The following PAWR variants were observed in gnomAD, a reference collection of about 807,000 sequenced individuals.
The protein encoded by PAWR is pro-apoptotic WT1 regulator.
PAWR carries 23 observed loss-of-function variants against 32.0 expected under a neutral mutation model. The observed-to-expected ratio is 0.72, with a 90% CI of 0.52 to 1.02. PAWR has a LOEUF of 1.02. PAWR is among the 50% of genes least tolerant of loss of function. PAWR has a pLI of 0.00. For missense variants in PAWR, 457 were observed against 437.7 expected (o/e 1.04, Z -0.39); for synonymous variants, 226 against 187.1 (o/e 1.21, Z -1.70).
At chr12:79,668,210 T>C (rs1293510647) in intron 2 of PAWR, 1 of 152,224 alleles carries the variant, frequency 6.6e-6, no homozygotes, top group African/African-American at 2.4e-5. Flanking sequence ...TTTGTAGATA[T>C]TTTTTGTTTT....
intron 2 of PAWR, among the ~76,000 whole-genome samples, chr12:79,654,644 C>T (rs1182967948): frequency 6.6e-6 from 1 of 152,206 alleles, no homozygotes; most frequent in Admixed American, 6.5e-5. Context: ...TTAATTGACT[C>T]ACAGTTCCAC....
chr12:79,602,071 G>A (rs543615524), intron 4 of PAWR, among the ~76,000 whole-genome samples: 16 of 152,156 alleles, frequency 1.1e-4, no homozygotes, highest in African/African-American at 3.6e-4. Context: ...TCATAAATCC[G>A]CATAGATGGA....
intron 3 of PAWR, among the ~76,000 whole-genome samples, chr12:79,617,899 C>T (rs946483666): frequency 6.6e-6 from 1 of 152,114 alleles, no homozygotes; most frequent in Non-Finnish European, 1.5e-5. Context: ...CTCTCTCGCT[C>T]CTGCTCCTAT....
intron 2 of PAWR, among the ~76,000 whole-genome samples, chr12:79,631,000 C>T (rs1055084393): frequency 2.6e-5 from 4 of 152,064 alleles, no homozygotes; most frequent in African/African-American, 9.7e-5. Context: ...TGGGGTCTAT[C>T]CCAGTAAAAC....
intron 4 of PAWR, among the ~76,000 whole-genome samples, chr12:79,599,785 AT>A (rs1298860557): frequency 6.6e-6 from 1 of 152,162 alleles, no homozygotes; most frequent in Non-Finnish European, 1.5e-5. Flanking sequence ...TTTACTACAG[AT>A]TCATCCAACA....
chr12:79,690,203 G>A lies in PAWR; in HGVS notation c.42C>T (p.Gly14=), dbSNP rs1878938533. Residue 14 remains glycine, a synonymous_variant, in exon 2 of 7, where the codon GGC becomes GGT. Coordinates refer to ENST00000328827, the MANE Select transcript of PAWR (RefSeq NM_002583.4). ...ACTCCTCCAGGAAGTCTGTGGTGCT[G>A]CCGCCGAGGCCGCTGCTGGTCCGGT... ...GGYRTSSGLG[G]STTDFLEEWK... The A allele has an allele frequency of 2.0e-6, 3 of 1,528,896 alleles. No individual in the cohort carries two copies. The African/African-American group carries it at 4.2e-5, about 22-fold the overall frequency. The allele number at this position is 1,528,896 out of a possible 1,614,324, so 94.7% of individuals were successfully genotyped here.
At chr12:79,640,413 G>C (rs1454653520) in intron 2 of PAWR, among the ~76,000 whole-genome samples, 1 of 152,054 alleles carries the variant, frequency 6.6e-6, no homozygotes, top group East Asian at 1.9e-4. Context: ...CAACCTTTAT[G>C]ACCAAGAAAG....
intron 4 of PAWR, chr12:79,604,798 T>A: frequency 1.6e-6 from 1 of 620,622 alleles, no homozygotes; most frequent in East Asian, 8.0e-5. Context: ...TATTAAACTC[T>A]CATAACTCTT....
At chr12:79,625,559 C>T (rs578234192) in intron 2 of PAWR, among the ~76,000 whole-genome samples, 19 of 152,182 alleles carry the variant, frequency 1.2e-4, no homozygotes, top group African/African-American at 3.9e-4. Context: ...TGGTGGCTCA[C>T]GCCTGTAATC....
chr12:79,653,474 G>A (rs1044557030), intron 2 of PAWR, among the ~76,000 whole-genome samples: 13 of 151,550 alleles, frequency 8.6e-5, no homozygotes, highest in Non-Finnish European at 1.6e-4. Context: ...GTGAATGTTT[G>A]CAGTGTTTTG....
intron 4 of PAWR, among the ~76,000 whole-genome samples, chr12:79,602,679 A>G (rs1353119241): frequency 6.6e-6 from 1 of 152,194 alleles, no homozygotes; most frequent in Non-Finnish European, 1.5e-5. Context: ...TTTACTTTTG[A>G]AAATGCTTAG....
intron 4 of PAWR, among the ~76,000 whole-genome samples, chr12:79,606,565 T>C (rs201502302): frequency 3.3e-5 from 5 of 152,310 alleles, no homozygotes; most frequent in East Asian, 1.9e-4. Context: ...CTGAGTGGAT[T>C]TGTGAAATCT....
At chr12:79,646,991 C>T (rs758639635) in intron 2 of PAWR, among the ~76,000 whole-genome samples, 12 of 152,084 alleles carry the variant, frequency 7.9e-5, no homozygotes, top group Non-Finnish European at 1.2e-4. Context: ...TCCTGGCCAA[C>T]ATGGTGAAAC....
intron 2 of PAWR, among the ~76,000 whole-genome samples, chr12:79,664,014 A>C (rs1207751550): frequency 6.6e-6 from 1 of 152,216 alleles, no homozygotes; most frequent in Non-Finnish European, 1.5e-5. Flanking sequence ...TGAAATTGCC[A>C]ATGTGCCAAT....
At chr12:79,604,963 A>C (rs1874110716) in intron 4 of PAWR, among the ~76,000 whole-genome samples, 1 of 152,190 alleles carries the variant, frequency 6.6e-6, no homozygotes. Flanking sequence ...AAATCTTATG[A>C]AAAATATATA....
intron 2 of PAWR, among the ~76,000 whole-genome samples, chr12:79,660,946 T>C (rs954646555): frequency 1.3e-5 from 2 of 151,592 alleles, no homozygotes; most frequent in Non-Finnish European, 2.9e-5. Flanking sequence ...TAAGTCCATA[T>C]AGCTAAGAAA....
chr12:79,625,961 G>A (rs1875283395), intron 2 of PAWR, among the ~76,000 whole-genome samples: 1 of 150,574 alleles, frequency 6.6e-6, no homozygotes, highest in Non-Finnish European at 1.5e-5. Flanking sequence ...TCAGGAGATC[G>A]AGACCATCCT....
At chr12:79,684,626 A>G (rs947837163) in intron 2 of PAWR, among the ~76,000 whole-genome samples, 1 of 152,102 alleles carries the variant, frequency 6.6e-6, no homozygotes, top group Admixed American at 6.5e-5. Flanking sequence ...TCAAAAAAAA[A>G]AGAAAGAAAG....
At chr12:79,672,332 C>T (rs1323955640) in intron 2 of PAWR, among the ~76,000 whole-genome samples, 2 of 152,174 alleles carry the variant, frequency 1.3e-5, no homozygotes, top group African/African-American at 2.4e-5. Context: ...TCTCACCTAC[C>T]CAACTTTTGC....
Sources: allele counts gnomAD v4.1 joint callset (sites outside exome capture counted in the v4.1 genomes callset), GRCh38; gene constraint gnomAD v4.1.1; transcripts MANE v1.5; gene names NCBI Gene and HGNC (gene_info 2026-07-23, HGNC 2026-07-21).